Variants in IST1 observed in about 807,000 individuals in gnomAD.
IST1 encodes IST1 homolog.
A neutral mutation model predicts 37.0 loss-of-function variants in IST1; 23 were observed. That is an observed-to-expected ratio of 0.62 (90% CI 0.45 to 0.88). The LOEUF (loss-of-function observed/expected upper bound fraction) is 0.88. Among genes scored for constraint, IST1 ranks in the 40% least tolerant of loss-of-function variants. The pLI, the probability that IST1 is intolerant of heterozygous loss-of-function variation, is 0.00. For synonymous variants in IST1, 180 were observed against 161.7 expected, an observed-to-expected ratio of 1.11 and a Z score of -0.86; for missense variants, 488 against 445.4, an observed-to-expected ratio of 1.10 and a Z score of -0.86.
intron 2 of IST1, among the ~76,000 whole-genome samples, chr16:71,916,008 T>C (rs2037458874): frequency 2.0e-5 from 3 of 152,062 alleles, no homozygotes; most frequent in African/African-American, 2.4e-5. Context: ...TTTTCATGTT[T>C]TTAGTAGAGA....
chr16:71,899,071 T>TTAA (rs2037044222), intron 1 of IST1, among the ~76,000 whole-genome samples: 1 of 152,236 alleles, frequency 6.6e-6, no homozygotes, highest in African/African-American at 2.4e-5. Flanking sequence ...ACTTTCTTTA[T>TTAA]GCCTGTGCAT....
intron 1 of IST1, among the ~76,000 whole-genome samples, chr16:71,902,171 A>G (rs771111089): frequency 2.4e-4 from 37 of 152,330 alleles, no homozygotes; most frequent in Non-Finnish European, 3.8e-4. Context: ...GTGAAGGTTC[A>G]TGTAATATTA....
rs1567480860 is a variant in IST1 at position 71,930,069 on chromosome 16, C to T, written c.*2256C>T. 1 of 1,549,284 alleles carries T rather than the reference C, an allele frequency of 6.5e-7. No homozygotes were observed. Among genetic ancestry groups the T allele is most frequent in the Non-Finnish European group, 8.7e-7 (1 of 1,146,188 alleles). ...TTACCTACCTTAAGCGACTTTCTTT[C>T]TTTTCCAAAGGCCATGAGAATGGCC... On this transcript the variant is annotated 3_prime_UTR_variant, in exon 10 of 10. Transcript: ENST00000378799.
At position 71,929,937 on chromosome 16, in the gene IST1, A is replaced by C; in HGVS notation, c.*2124A>C. On this transcript the variant is annotated 3_prime_UTR_variant, in exon 10 of 10. Transcript: ENST00000378799. ...GCTGGCAGAGCTTTTGAAACTAATA[A>C]AGGGAATATGATACTGTGCATTATA... The C allele has an allele frequency of 7.9e-7, 1 of 1,266,926 alleles. No homozygotes were observed. Among genetic ancestry groups the C allele is most frequent in the South Asian group, 1.6e-5 (1 of 60,810 alleles). 78.5% of individuals were successfully genotyped at this position (1,266,926 alleles called of 1,614,324 possible).
At chr16:71,909,209 G>A (rs1490502302) in intron 1 of IST1, among the ~76,000 whole-genome samples, 1 of 150,116 alleles carries the variant, frequency 6.7e-6, no homozygotes, top group Non-Finnish European at 1.5e-5. Flanking sequence ...CTGGGTGCAA[G>A]TGAGCCTCCC....
At chr16:71,920,672 A>G in intron 4 of IST1, 67 bp from the exon 5 acceptor site, 1 of 1,141,450 alleles carries the variant, frequency 8.8e-7, no homozygotes, top group Non-Finnish European at 1.3e-6. Context: ...TACTGTTGCC[A>G]GGAAGAAGCT....
rs150623968 is a variant in IST1, at chr16:71,922,649, C to T, written c.728C>T (p.Thr243Met). 3.4e-5 allele frequency: 55 copies of T among 1,613,092 alleles called. No individual in the cohort carries two copies. Among genetic ancestry groups the T allele is most frequent in the African/African-American group, 1.2e-4 (9 of 74,756 alleles). Residue 243 changes from threonine to methionine, a missense_variant, in exon 7 of 10, where the codon ACG becomes ATG. By Grantham distance (81) the Thr-to-Met change is moderately conservative (BLOSUM62 -1). This residue lies in a region of IST1 where 455 missense variants were observed against 386.2 expected (regional missense o/e 1.18). Coordinates refer to ENST00000378799, the MANE Select transcript of IST1 (RefSeq NM_001270975.2). Reference protein sequence around the residue: ...PMPMPMPSANTPFSYPLPKGP... With the variant: ...PMPMPMPSANMPFSYPLPKGP... ...CCCATGCCTATGCCATCTGCAAATA[C>T]GCCTTTCTCATATCCACTGCCAAAG... is the stretch of plus-strand genomic sequence containing the variant.
intron 1 of IST1, among the ~76,000 whole-genome samples, chr16:71,915,394 G>A (rs559760843): frequency 6.6e-6 from 1 of 152,178 alleles, no homozygotes; most frequent in African/African-American, 2.4e-5. Context: ...TCTCTTGTCT[G>A]GATGATAATA....
At chr16:71,896,227 C>T (rs2036968378) in intron 1 of IST1, among the ~76,000 whole-genome samples, 1 of 152,082 alleles carries the variant, frequency 6.6e-6, no homozygotes, top group African/African-American at 2.4e-5. Context: ...CTTTGTTTTT[C>T]TCGGTGCTCT....
intron 1 of IST1, among the ~76,000 whole-genome samples, chr16:71,914,600 T>G (rs1260753671): frequency 6.6e-6 from 1 of 152,244 alleles, no homozygotes; most frequent in African/African-American, 2.4e-5. Flanking sequence ...TGCCCCATTT[T>G]AACCTGGGAC....
upstream of IST1, chr16:71,895,190 T>A (rs1222015679): frequency 4.8e-6 from 1 of 206,554 alleles, no homozygotes; most frequent in Non-Finnish European, 1.0e-5. Context: ...TATGGAAGAA[T>A]CCGGAACCAA....
chr16:71,922,730 C>A, intron 7 of IST1, 50 bp downstream of exon 7: 2 of 1,465,206 alleles, frequency 1.4e-6, no homozygotes, highest in Non-Finnish European at 9.4e-7. Context: ...TTATAGATAA[C>A]AAGTTGGCTC....
intron 9 of IST1, among the ~76,000 whole-genome samples, chr16:71,925,650 A>G (rs2142606135): frequency 6.6e-6 from 1 of 152,198 alleles, no homozygotes; most frequent in Middle Eastern, 3.4e-3. Flanking sequence ...ATGTTCATGT[A>G]GCTACCACTC....
intron 1 of IST1, among the ~76,000 whole-genome samples, chr16:71,897,867 C>T (rs1043815615): frequency 2.6e-5 from 4 of 152,056 alleles, no homozygotes; most frequent in African/African-American, 7.2e-5. Context: ...ATTGCTTGCT[C>T]GAACCCGAGA....
intron 1 of IST1, among the ~76,000 whole-genome samples, chr16:71,911,565 AC>A (rs2037354709): frequency 6.6e-6 from 1 of 152,018 alleles, no homozygotes; most frequent in Non-Finnish European, 1.5e-5. Flanking sequence ...ACAAAACAAA[AC>A]TACTGCCATG....
At position 71,930,330 on chromosome 16, in the gene IST1, G is replaced by T. The variant is rs954198150; in HGVS notation, c.*2517G>T. On this transcript the variant is annotated 3_prime_UTR_variant, in exon 10 of 10. Coordinates refer to ENST00000378799, the MANE Select transcript of IST1 (RefSeq NM_001270975.2). ...GAGAGAGTCAAAAGATAATAAGAAG[G>T]AAAATACTTTTAAATGGACAGAAGA... is the stretch of plus-strand genomic sequence containing the variant. 1 of 765,558 alleles carries T rather than the reference G, an allele frequency of 1.3e-6. No individual in the cohort carries two copies. The highest frequency in any genetic ancestry group is 1.8e-5 in the African/African-American group (1 of 56,822). The allele number at this position is 765,558 out of a possible 1,614,324, so 47.4% of individuals were successfully genotyped here.
At chr16:71,915,572 GTTCC>G (rs1177760136) in intron 1 of IST1, 50 bp from the exon 2 acceptor site, 3 of 1,251,798 alleles carry the variant, frequency 2.4e-6, no homozygotes, top group Non-Finnish European at 3.4e-6. Flanking sequence ...AGAGGTGTTA[GTTCC>G]TGAACTAATG....
chr16:71,924,102 T>C (rs2037678618), intron 8 of IST1: 1 of 455,958 alleles, frequency 2.2e-6, no homozygotes, highest in African/African-American at 2.0e-5. Flanking sequence ...TGATGTGTTC[T>C]ACCTTGGGCC....
chr16:71,903,366 A>C (rs995690748), intron 1 of IST1: 10 of 151,984 alleles, frequency 6.6e-5, no homozygotes, highest in African/African-American at 2.4e-4. Context: ...TTACATATAT[A>C]TATTTTTTTT....
Sources: gnomAD v4.1 joint callset for allele counts (sites outside exome capture counted in the v4.1 genomes callset) on GRCh38, gnomAD v4.1.1 for gene constraint, gnomAD v4.1.1 regional missense constraint, MANE v1.5 for transcripts, NCBI Gene and HGNC (gene_info 2026-07-23, HGNC 2026-07-21) for gene names.